TSPAN8: variants seen among roughly 807,000 people sequenced by gnomAD.
TSPAN8 encodes tetraspanin 8, also known as tetraspanin-8.
In TSPAN8, 21 loss-of-function variants were observed where a neutral mutation model predicts 32.8. The ratio of observed to expected loss-of-function variants is 0.64; its 90% CI spans 0.45 to 0.92. TSPAN8 has a LOEUF of 0.92. Among genes scored for constraint, TSPAN8 ranks in the 40% least tolerant of loss-of-function variants. The pLI is 0.00. For synonymous variants in TSPAN8, 95 were observed against 94.6 expected (o/e 1.00, Z -0.03); for missense variants, 269 against 281.9 (o/e 0.95, Z 0.33).
intron 8 of TSPAN8, among the ~76,000 whole-genome samples, chr12:71,128,626 A>T (rs1871416150): frequency 6.6e-6 from 1 of 150,882 alleles, no homozygotes; most frequent in South Asian, 2.1e-4. Flanking sequence ...AGGCCATGTG[A>T]AAAGTATCTT....
intron 6 of TSPAN8, among the ~76,000 whole-genome samples, chr12:71,134,968 A>C (rs1181833933): frequency 6.6e-6 from 1 of 152,210 alleles, no homozygotes; most frequent in Non-Finnish European, 1.5e-5. Context: ...CAACGCCTCT[A>C]GACAAATAAT....
chr12:71,147,081 A>G (rs900276066), intron 2 of TSPAN8, among the ~76,000 whole-genome samples: 1 of 152,116 alleles, frequency 6.6e-6, no homozygotes, highest in African/African-American at 2.4e-5. Context: ...TAGCCTTCCT[A>G]GCCTCCAGAA....
intron 1 of TSPAN8, 49 bp downstream of exon 1, chr12:71,157,881 A>G: frequency 1.8e-6 from 1 of 563,076 alleles, no homozygotes; most frequent in Non-Finnish European, 3.2e-6. Flanking sequence ...TAAATATCGC[A>G]AAGGCTATTA....
At chr12:71,157,505 A>G in intron 2 of TSPAN8, 114 bp downstream of exon 2, 1 of 726,142 alleles carries the variant, frequency 1.4e-6, no homozygotes, top group Non-Finnish European at 2.3e-6. Context: ...TACATGGAAA[A>G]TACATTTTCC....
At chr12:71,137,712 G>A (rs1871749226) in intron 6 of TSPAN8, among the ~76,000 whole-genome samples, 1 of 152,094 alleles carries the variant, frequency 6.6e-6, no homozygotes, top group South Asian at 2.1e-4. Flanking sequence ...CTCATTCGAG[G>A]CTTAACCTGT....
rs376195418 is a variant in TSPAN8 at position 71,126,657 on chromosome 12, T to TA, written c.661-1271dup. Among the ~76,000 whole-genome samples, 1,126 of 152,278 alleles carry TA rather than the reference T, an allele frequency of 7.4e-3. 4 individuals carry two copies. Among genetic ancestry groups the TA allele is most frequent in the Non-Finnish European group, 0.012 (793 of 68,016 alleles). ...ATTTGCTAAGAGGTATGCAGCAGTC[T>TA]AAAAAAATGTAAAATTATCATTTTT... On this transcript the variant is annotated intron_variant, in intron 8 of 8. Coordinates refer to ENST00000247829, the MANE Select transcript of TSPAN8 (RefSeq NM_004616.3).
chr12:71,138,724 T>A (rs1202305687), intron 4 of TSPAN8, among the ~76,000 whole-genome samples: 4 of 152,296 alleles, frequency 2.6e-5, no homozygotes, highest in South Asian at 2.1e-4. Context: ...GCTTTTTTTT[T>A]AAACAAGCTC....
intron 3 of TSPAN8, among the ~76,000 whole-genome samples, chr12:71,141,222 A>G (rs1003379803): frequency 2.0e-5 from 3 of 152,312 alleles, no homozygotes; most frequent in East Asian, 3.9e-4. Flanking sequence ...CTAAAAGTCT[A>G]TGCTTACAGA....
At chr12:71,155,603 T>C (rs932180657) in intron 2 of TSPAN8, among the ~76,000 whole-genome samples, 1 of 152,178 alleles carries the variant, frequency 6.6e-6, no homozygotes, top group Non-Finnish European at 1.5e-5. Context: ...GGAACATTTA[T>C]GAGGTAATCG....
At chr12:71,135,212 G>A (rs1222626845) in intron 6 of TSPAN8, among the ~76,000 whole-genome samples, 3 of 110,704 alleles carry the variant, frequency 2.7e-5, no homozygotes, top group African/African-American at 8.8e-5. Flanking sequence ...AGGATGAGGA[G>A]GAGGAGGAGG....
intron 4 of TSPAN8, 63 bp from the exon 5 acceptor site, chr12:71,138,293 C>A: frequency 7.0e-7 from 1 of 1,432,082 alleles, no homozygotes. Flanking sequence ...TGGGGACATT[C>A]TGGCACAGCA....
intron 2 of TSPAN8, among the ~76,000 whole-genome samples, chr12:71,146,344 T>C (rs1414882845): frequency 6.6e-6 from 1 of 152,142 alleles, no homozygotes; most frequent in Non-Finnish European, 1.5e-5. Context: ...CAGTCTAATA[T>C]CATGAAATTA....
intron 3 of TSPAN8, among the ~76,000 whole-genome samples, chr12:71,140,346 A>G (rs1330319646): frequency 6.6e-6 from 1 of 152,206 alleles, no homozygotes; most frequent in Non-Finnish European, 1.5e-5. Context: ...TATAAAGTTC[A>G]ATCATAAGCA....
chr12:71,139,181 A>C, intron 4 of TSPAN8: 1 of 456,546 alleles, frequency 2.2e-6, no homozygotes, highest in Non-Finnish European at 4.4e-6. Flanking sequence ...ATTTACTGGA[A>C]ACAGTTTTGC....
rs530158618 is a variant in TSPAN8 at position 71,138,189 on chromosome 12, C to A, written c.303G>T (p.Ala101=). ...TGAAAACAGCTCCTAGGATACCTGT[C>A]GCCACCTGCAGGAGCAGGATCAGAA... ...GLLLILLLQV[A]TGILGAVFKS... Residue 101 remains alanine (A), a synonymous_variant, in exon 5 of 9, where the codon GCG becomes GCT. Transcript: ENST00000247829. The A allele has an allele frequency of 6.2e-7, 1 of 1,613,918 alleles. No homozygotes were observed. Among genetic ancestry groups the A allele is most frequent in the South Asian group, 1.1e-5 (1 of 91,050 alleles).
chr12:71,149,772 T>C (rs1317096086), intron 2 of TSPAN8, among the ~76,000 whole-genome samples: 1 of 152,210 alleles, frequency 6.6e-6, no homozygotes, highest in Non-Finnish European at 1.5e-5. Flanking sequence ...ACTGTATAAA[T>C]TGATTGTAAA....
At chr12:71,138,253 T>A in intron 4 of TSPAN8, 23 bp from the exon 5 acceptor site, 2 of 1,608,744 alleles carry the variant, frequency 1.2e-6, no homozygotes, top group Non-Finnish European at 1.7e-6. Context: ...AAAAGAAATA[T>A]ACATTATCCT....
intron 6 of TSPAN8, among the ~76,000 whole-genome samples, chr12:71,134,032 T>C (rs1009069588): frequency 6.6e-6 from 1 of 152,190 alleles, no homozygotes; most frequent in African/African-American, 2.4e-5. Flanking sequence ...ATTTATTACA[T>C]TAATAATAAA....
At chr12:71,154,738 G>GTAT (rs1312033158) in intron 2 of TSPAN8, among the ~76,000 whole-genome samples, 1 of 152,132 alleles carries the variant, frequency 6.6e-6, no homozygotes, top group Admixed American at 6.5e-5. Flanking sequence ...TATATATTCT[G>GTAT]TATTACATAA....
Sources: gnomAD v4.1 joint callset for allele counts (sites outside exome capture counted in the v4.1 genomes callset) on GRCh38, gnomAD v4.1.1 for gene constraint, MANE v1.5 for transcripts, NCBI Gene and HGNC (gene_info 2026-07-23, HGNC 2026-07-21) for gene names.